WDR72: variants seen among roughly 807,000 people sequenced by gnomAD.
WDR72 encodes WD repeat domain 72.
Under a neutral mutation model 124.2 loss-of-function variants are expected in WDR72, and 120 were observed. That is an observed-to-expected ratio of 0.97 (90% confidence interval 0.83 to 1.12). WDR72 has a LOEUF of 1.12. Among genes scored for constraint, WDR72 ranks in the 50% most tolerant of loss-of-function variants. The probability of loss-of-function intolerance (pLI) is 0.00; values close to 1 mark genes in which losing one functional copy is unlikely to be tolerated. For synonymous variants in WDR72, 452 were observed against 441.7 expected, an observed-to-expected ratio of 1.02 and a Z score of -0.29; for missense variants, 1,387 against 1,278.8, an observed-to-expected ratio of 1.08 and a Z score of -1.29.
chr15:53,722,693 G>A, intron 3 of WDR72, 109 bp downstream of exon 3: 2 of 901,116 alleles, frequency 2.2e-6, no homozygotes, highest in Non-Finnish European at 1.9e-6. Context: ...TATGTGAGAG[G>A]CACATGTTGA....
At position 53,551,771 on chromosome 15, in the gene WDR72, C is replaced by T. The variant is rs1017661042; in HGVS notation, c.3149-28449G>A. Among the ~76,000 whole-genome samples the T allele has an allele frequency of 3.3e-5, 5 of 152,068 alleles. No individual in the cohort carries two copies. The East Asian group carries it at 9.7e-4, about 29-fold the overall frequency. ...CTCCCTTGAAGAAGATTCTGCTAAACCCAATAAAAGGTATCAATGAAAGAG... is the reference window on the plus strand; with the variant it reads ...CTCCCTTGAAGAAGATTCTGCTAAATCCAATAAAAGGTATCAATGAAAGAG... On this transcript the variant is annotated intron_variant, in intron 18 of 19. Transcript: ENST00000360509.
At chr15:53,666,867 A>T (rs1243848144) in intron 13 of WDR72, among the ~76,000 whole-genome samples, 1 of 152,144 alleles carries the variant, frequency 6.6e-6, no homozygotes, top group Non-Finnish European at 1.5e-5. Flanking sequence ...TATTACAACT[A>T]AACTACCATT....
chr15:53,569,908 C>T (rs1347295097), intron 18 of WDR72, among the ~76,000 whole-genome samples: 1 of 151,942 alleles, frequency 6.6e-6, no homozygotes, highest in Non-Finnish European at 1.5e-5. Flanking sequence ...ACATAGGTGG[C>T]CTTTGTGGTC....
At chr15:53,701,536 GTC>G (rs370281315) in intron 12 of WDR72, among the ~76,000 whole-genome samples, 68 of 101,540 alleles carry the variant, frequency 6.7e-4, no homozygotes, top group African/African-American at 2.1e-3. Flanking sequence ...GTGAGACCCT[GTC>G]TCTCTCTCTC....
At chr15:53,656,422 AC>A (rs2015423246) in intron 14 of WDR72, among the ~76,000 whole-genome samples, 1 of 152,198 alleles carries the variant, frequency 6.6e-6, no homozygotes. Flanking sequence ...AAGTCTTAAT[AC>A]ATTTTGTTTT....
intron 13 of WDR72, among the ~76,000 whole-genome samples, chr15:53,687,563 A>C (rs1396982038): frequency 6.6e-6 from 1 of 150,532 alleles, no homozygotes; most frequent in African/African-American, 2.5e-5. Flanking sequence ...AATTGTGGCA[A>C]TAATCAATAG....
chr15:53,544,767 T>C (rs1893356950), intron 18 of WDR72, among the ~76,000 whole-genome samples: 1 of 150,102 alleles, frequency 6.7e-6, no homozygotes, highest in Non-Finnish European at 1.5e-5. Context: ...AAAACCCCAT[T>C]GCCTCAGCCC....
intron 9 of WDR72, among the ~76,000 whole-genome samples, chr15:53,706,860 T>TA (rs1418677075): frequency 6.6e-6 from 1 of 152,026 alleles, no homozygotes; most frequent in Non-Finnish European, 1.5e-5. Context: ...TATAATATTG[T>TA]ACATTGTATC....
Position 53,555,470 on chromosome 15 carries a change from G to C in WDR72, c.3149-32148C>G, listed in dbSNP as rs76695954. ...AGAACATGTGCAAGTAAGCATTTTG[G>C]ATAAAGAATACTCAACTTTTATATC... is the stretch of plus-strand genomic sequence containing the variant. On this transcript the variant is annotated intron_variant, in intron 18 of 19. Transcript: ENST00000360509. Among the ~76,000 whole-genome samples the C allele has an allele frequency of 6.9e-3, 1,051 of 152,120 alleles. 16 individuals carry two copies. Among genetic ancestry groups the C allele is most frequent in the East Asian group, 0.068 (353 of 5,158 alleles).
upstream of WDR72, among the ~76,000 whole-genome samples, chr15:53,761,288 A>G (rs1446117317): frequency 1.3e-5 from 2 of 152,186 alleles, no homozygotes; most frequent in African/African-American, 4.8e-5. Context: ...CCCAAATTCA[A>G]ACGGCTCATA....
At chr15:53,525,147 T>TA (rs1892040623) in intron 18 of WDR72, among the ~76,000 whole-genome samples, 1 of 152,080 alleles carries the variant, frequency 6.6e-6, no homozygotes, top group Non-Finnish European at 1.5e-5. Flanking sequence ...AGGTCATACT[T>TA]ACAGATTATT....
At chr15:53,567,923 T>A (rs1225356923) in intron 18 of WDR72, among the ~76,000 whole-genome samples, 1 of 151,338 alleles carries the variant, frequency 6.6e-6, no homozygotes, top group Non-Finnish European at 1.5e-5. Context: ...AGAAATGTCT[T>A]AAATTCAATA....
chr15:53,714,172 G>A lies in WDR72; in HGVS notation c.591+262C>T, dbSNP rs553362447. Among the ~76,000 whole-genome samples, 5 of 89,190 alleles carry A rather than the reference G, an allele frequency of 5.6e-5. No homozygotes were observed. The South Asian group carries it at 2.5e-3, about 45-fold the overall frequency. 58.5% of individuals were successfully genotyped at this position (89,190 alleles called of 152,430 possible). A position where few individuals can be genotyped will look rare whatever the true frequency, so the allele number is the denominator to read the frequency against. Reference sequence around the variant, plus strand: ...TTCTATTTTTTAAAAGATTAAAAATGTAATCTTTCTGTGTGTGTGTGTGTG... The same window carrying A: ...TTCTATTTTTTAAAAGATTAAAAATATAATCTTTCTGTGTGTGTGTGTGTG... On this transcript the variant is annotated intron_variant, in intron 6 of 19. Transcript: ENST00000360509.
At position 53,705,095 on chromosome 15, in the gene WDR72, G is replaced by A; in HGVS notation, c.1241C>T (p.Pro414Leu). 6.2e-7 allele frequency: 1 copy of A among 1,614,100 alleles called. No homozygotes were observed. Among genetic ancestry groups the A allele is most frequent in the Non-Finnish European group, 8.5e-7 (1 of 1,180,022 alleles). Residue 414 changes from proline (P) to leucine (L), a missense_variant, in exon 11 of 20, where the codon CCA becomes CTA. Physicochemically the swap from Pro to Leu is moderately conservative, Grantham distance 98. Transcript: ENST00000360509. The part of the protein sequence containing the change: ...TAVVTSSEYI[P>L]SLDKLICGCE... ...GCCACATATTAGTTTATCAAGACTT[G>A]GAATATACTCTGATGAAGTGACTAC...
At chr15:53,612,840 A>G (rs1479100600) in intron 16 of WDR72, among the ~76,000 whole-genome samples, 2 of 151,778 alleles carry the variant, frequency 1.3e-5, no homozygotes, top group Admixed American at 6.6e-5. Context: ...AGGAACAGAG[A>G]GATGATCAGG....
intron 9 of WDR72, among the ~76,000 whole-genome samples, chr15:53,707,687 C>T (rs1042871773): frequency 6.6e-6 from 1 of 152,114 alleles, no homozygotes; most frequent in East Asian, 1.9e-4. Context: ...ACCTCCTGAT[C>T]CACCCACCTC....
chr15:53,542,987 C>T (rs1455972526), intron 18 of WDR72, among the ~76,000 whole-genome samples: 5 of 151,994 alleles, frequency 3.3e-5, no homozygotes, highest in South Asian at 2.1e-4. Context: ...CACCCAGATT[C>T]GTAAAGCAAG....
intron 2 of WDR72, among the ~76,000 whole-genome samples, chr15:53,728,836 C>T (rs145276339): frequency 2.0e-5 from 3 of 152,198 alleles, no homozygotes; most frequent in East Asian, 1.9e-4. Context: ...AGTCAGACTT[C>T]GAACTCAAAG....
At chr15:53,518,515 T>C (rs1222067409) in intron 19 of WDR72, among the ~76,000 whole-genome samples, 2 of 152,116 alleles carry the variant, frequency 1.3e-5, no homozygotes. Context: ...GAATGTCATA[T>C]TGTTAAAAAC....
Sources: allele counts gnomAD v4.1 joint callset (sites outside exome capture counted in the v4.1 genomes callset), GRCh38; gene constraint gnomAD v4.1.1; transcripts MANE v1.5; gene names NCBI Gene and HGNC (gene_info 2026-07-23, HGNC 2026-07-21).